The following CREM variants were observed in gnomAD, a reference collection of about 807,000 sequenced individuals.
CREM encodes cAMP-responsive element modulator.
In CREM, 13 loss-of-function variants were observed where a neutral mutation model predicts 37.3. The observed-to-expected ratio is 0.35, with a 90% CI of 0.23 to 0.55. The LOEUF (loss-of-function observed/expected upper bound fraction) is 0.55. Among genes scored for constraint, CREM ranks in the 20% least tolerant of loss-of-function variants. The probability of loss-of-function intolerance (pLI) is 0.88; values close to 1 mark genes in which losing one functional copy is unlikely to be tolerated. For synonymous variants in CREM, 124 were observed against 120.2 expected (o/e 1.03, Z -0.21); for missense variants, 296 against 362.3 (o/e 0.82, Z 1.49).
intron 5 of CREM, among the ~76,000 whole-genome samples, chr10:35,180,246 A>G (rs926388234): frequency 5.9e-5 from 9 of 152,198 alleles, no homozygotes; most frequent in Non-Finnish European, 5.9e-5. Context: ...GTACTGGAAT[A>G]TATGTGATAT....
At chr10:35,199,337 A>G (rs1389573814) in intron 6 of CREM, among the ~76,000 whole-genome samples, 2 of 152,242 alleles carry the variant, frequency 1.3e-5, no homozygotes, top group East Asian at 3.8e-4. Context: ...TGAAAAATGC[A>G]TAACGAAATG....
intron 6 of CREM, among the ~76,000 whole-genome samples, chr10:35,197,299 A>G (rs1204838159): frequency 6.6e-6 from 1 of 152,092 alleles, no homozygotes; most frequent in Non-Finnish European, 1.5e-5. Flanking sequence ...AAACAACTTA[A>G]AACACTTTTT....
At position 35,176,173 on chromosome 10, in the gene CREM, G is replaced by A. The variant is rs138012305; in HGVS notation, c.169-2716G>A. Among the ~76,000 whole-genome samples the A allele has an allele frequency of 5.1e-3, 783 of 152,252 alleles. 9 individuals carry two copies. The highest frequency in any genetic ancestry group is 0.018 in the African/African-American group (736 of 41,548). ...AGGTGCTCTGTGTCCTGCTAGGTAC[G>A]TAGGTTTCACTTCAGAGCTGCAGCT... On this transcript the variant is annotated intron_variant, in intron 3 of 7. Coordinates refer to ENST00000685392, the MANE Select transcript of CREM (RefSeq NM_183011.2).
chr10:35,138,574 T>G (rs1165301745), intron 2 of CREM, among the ~76,000 whole-genome samples: 1 of 150,904 alleles, frequency 6.6e-6, no homozygotes, highest in Non-Finnish European at 1.5e-5. Context: ...TTACCCAGGC[T>G]GGTGTGCAAT....
At chr10:35,141,686 G>A (rs1311442846) in intron 2 of CREM, among the ~76,000 whole-genome samples, 3 of 152,200 alleles carry the variant, frequency 2.0e-5, no homozygotes, top group Non-Finnish European at 4.4e-5. Flanking sequence ...ATTGAGAAGA[G>A]ACGTCTGGCC....
chr10:35,204,286 T>C (rs1278660129), intron 6 of CREM, among the ~76,000 whole-genome samples: 3 of 152,212 alleles, frequency 2.0e-5, no homozygotes, highest in Non-Finnish European at 4.4e-5. Flanking sequence ...TTTCCCAAGT[T>C]TATTCATATG....
At chr10:35,167,532 G>A in intron 3 of CREM, 1 of 574,254 alleles carries the variant, frequency 1.7e-6, no homozygotes, top group Non-Finnish European at 3.1e-6. Flanking sequence ...CCATCGTGAG[G>A]GAACCTAGCT....
At chr10:35,187,013 TATATA>T (rs1282715195) in intron 5 of CREM, among the ~76,000 whole-genome samples, 5 of 84,324 alleles carry the variant, frequency 5.9e-5, no homozygotes, top group South Asian at 3.1e-4. Context: ...TATAATATAA[TATATA>T]ATATATATCA....
At chr10:35,175,562 G>A in intron 3 of CREM, 1 of 992,042 alleles carries the variant, frequency 1.0e-6, no homozygotes, top group Non-Finnish European at 1.6e-6. Context: ...GTCGTAGTGA[G>A]GTAGTTTAAC....
chr10:35,189,475 T>A (rs903002421), intron 6 of CREM, among the ~76,000 whole-genome samples: 15 of 151,972 alleles, frequency 9.9e-5, no homozygotes, highest in African/African-American at 2.2e-4. Context: ...CACTATTTTT[T>A]AAAAATTTGC....
chr10:35,177,632 T>C (rs772345215), intron 3 of CREM, among the ~76,000 whole-genome samples: 2 of 152,204 alleles, frequency 1.3e-5, no homozygotes, highest in Non-Finnish European at 2.9e-5. Context: ...CAGTAGACTT[T>C]GTTTGGATTT....
Position 35,211,457 on chromosome 10 carries a change from T to C in CREM, c.*59T>C. 1 of 1,575,716 alleles carries C rather than the reference T, an allele frequency of 6.3e-7. No homozygotes were observed. Among genetic ancestry groups the C allele is most frequent in the Admixed American group, 1.8e-5 (1 of 55,488 alleles). On this transcript the variant is annotated 3_prime_UTR_variant, in exon 8 of 8. Coordinates refer to ENST00000685392, the MANE Select transcript of CREM (RefSeq NM_183011.2). ...AAGGCAGGAGATGCAGCAGTCCTAC[T>C]TATTGCCATGTGGACTTGTGGGAAG...
chr10:35,155,583 T>C (rs1368682055), intron 3 of CREM, among the ~76,000 whole-genome samples: 1 of 151,910 alleles, frequency 6.6e-6, no homozygotes, highest in African/African-American at 2.4e-5. Context: ...AATTTTATAG[T>C]TTCTTTTTTG....
intron 6 of CREM, among the ~76,000 whole-genome samples, chr10:35,198,103 A>G (rs1332606088): frequency 6.6e-6 from 1 of 152,190 alleles, no homozygotes; most frequent in Non-Finnish European, 1.5e-5. Flanking sequence ...TTTTTGACCC[A>G]TTAATGGTCT....
intron 3 of CREM, among the ~76,000 whole-genome samples, chr10:35,157,664 A>G (rs1009321662): frequency 6.6e-6 from 1 of 151,130 alleles, no homozygotes; most frequent in African/African-American, 2.4e-5. Context: ...AAAGTCACAG[A>G]TGCCCATTTT....
intron 6 of CREM, among the ~76,000 whole-genome samples, chr10:35,203,069 T>C (rs187463486): frequency 3.1e-4 from 47 of 152,106 alleles, no homozygotes; most frequent in African/African-American, 1.1e-3. Flanking sequence ...TTTTTTTTTT[T>C]CCTGAGACAG....
At chr10:35,151,629 C>T (rs964763374) in intron 3 of CREM, among the ~76,000 whole-genome samples, 2 of 152,230 alleles carry the variant, frequency 1.3e-5, no homozygotes, top group African/African-American at 4.8e-5. Context: ...CTGCTTTGAT[C>T]TCCTGAAGTG....
At chr10:35,194,319 A>G (rs1216108250) in intron 6 of CREM, among the ~76,000 whole-genome samples, 1 of 133,158 alleles carries the variant, frequency 7.5e-6, no homozygotes, top group Non-Finnish European at 1.7e-5. Flanking sequence ...AAAATTTGAC[A>G]TTTAAAAAAA....
At chr10:35,179,082 T>TA (rs777182145) in intron 4 of CREM, 52 bp from the exon 5 acceptor site, 10 of 1,553,290 alleles carry the variant, frequency 6.4e-6, no homozygotes, top group Non-Finnish European at 7.9e-6. Context: ...CTTTTCTGTT[T>TA]TAAGACTTAT....
Sources: gnomAD v4.1 joint callset for allele counts (sites outside exome capture counted in the v4.1 genomes callset) on GRCh38, gnomAD v4.1.1 for gene constraint, MANE v1.5 for transcripts, NCBI Gene and HGNC (gene_info 2026-07-23, HGNC 2026-07-21) for gene names.